FSTL4: variants seen among roughly 807,000 people sequenced by gnomAD.
The protein encoded by FSTL4 is follistatin-related protein 4.
Under a neutral mutation model 78.2 loss-of-function variants are expected in FSTL4, and 28 were observed. That is an observed-to-expected ratio of 0.36 (90% CI 0.27 to 0.49). The LOEUF is 0.49. Among genes scored for constraint, FSTL4 ranks in the 20% least tolerant of loss-of-function variants. FSTL4 has a pLI of 0.98. For synonymous variants in FSTL4, 422 were observed against 440.5 expected, an observed-to-expected ratio of 0.96 and a Z score of 0.53; for missense variants, 922 against 1,084.9, an observed-to-expected ratio of 0.85 and a Z score of 2.11.
intron 6 of FSTL4, among the ~76,000 whole-genome samples, chr5:133,293,222 C>G (rs1295705370): frequency 6.6e-6 from 1 of 152,268 alleles, no homozygotes; most frequent in African/African-American, 2.4e-5. Flanking sequence ...TCTCTCCCAA[C>G]CGCCACCCCA....
the FSTL4 span, among the ~76,000 whole-genome samples, chr5:133,751,925 A>G: frequency 2.0e-5 from 3 of 152,184 alleles, no homozygotes; most frequent in Non-Finnish European, 4.4e-5. Flanking sequence ...GGATCAGACA[A>G]AGGAAGACTC....
chr5:133,649,553 A>G, the FSTL4 span, among the ~76,000 whole-genome samples: 1 of 152,166 alleles, frequency 6.6e-6, no homozygotes, highest in South Asian at 2.1e-4. Context: ...GACCATTCTA[A>G]TAAGTGTGTA....
the FSTL4 span, among the ~76,000 whole-genome samples, chr5:133,787,590 G>A: frequency 7.8e-6 from 1 of 128,946 alleles, no homozygotes; most frequent in South Asian, 2.6e-4. Flanking sequence ...CCCACGCCCT[G>A]CTCCTGAGGC....
At chr5:133,739,733 C>T in the FSTL4 span, among the ~76,000 whole-genome samples, 3 of 152,178 alleles carry the variant, frequency 2.0e-5, no homozygotes, top group African/African-American at 4.8e-5. Flanking sequence ...CTTTAATACA[C>T]GATCTCCTTT....
chr5:133,782,036 G>A, the FSTL4 span, among the ~76,000 whole-genome samples: 1 of 152,132 alleles, frequency 6.6e-6, no homozygotes, highest in Non-Finnish European at 1.5e-5. Flanking sequence ...CCCATCAAAG[G>A]CTGTGGAAAA....
intron 4 of FSTL4, among the ~76,000 whole-genome samples, chr5:133,354,467 G>A (rs1004032923): frequency 7.2e-5 from 11 of 152,232 alleles, no homozygotes; most frequent in African/African-American, 2.7e-4. Context: ...GTTTTGACAT[G>A]CAGAGGACAT....
Position 133,457,103 on chromosome 5 carries a change from G to A in FSTL4, c.161-56117C>T, listed in dbSNP as rs944480346. ...TCTGTAACATTTTTCCTGGAGTGGG[G>A]AGATAGAGAAAGAAAAAAAAAAAGA... On this transcript the variant is annotated intron_variant, in intron 3 of 15. Transcript: ENST00000265342. 3.4e-5 allele frequency among the ~76,000 whole-genome samples: 5 copies of A among 148,192 alleles called. No individual in the cohort carries two copies. In the East Asian group the frequency reaches 9.7e-4, roughly 29 times the overall value.
the FSTL4 span, among the ~76,000 whole-genome samples, chr5:133,673,754 A>T: frequency 6.6e-6 from 1 of 152,192 alleles, no homozygotes; most frequent in East Asian, 1.9e-4. Flanking sequence ...GCCTCCAGGG[A>T]CTCACAATCT....
At chr5:133,454,109 C>A (rs74767362) in intron 3 of FSTL4, among the ~76,000 whole-genome samples, 264 of 152,146 alleles carry the variant, frequency 1.7e-3, no homozygotes, top group Non-Finnish European at 3.2e-3. Context: ...CAGAAAACCA[C>A]CATATTATAG....
At chr5:133,591,208 C>A (rs1760619267) in intron 2 of FSTL4, among the ~76,000 whole-genome samples, 1 of 152,102 alleles carries the variant, frequency 6.6e-6, no homozygotes, top group African/African-American at 2.4e-5. Context: ...ATAAGTTGGG[C>A]TTCTGAGCTG....
the FSTL4 span, among the ~76,000 whole-genome samples, chr5:133,641,159 C>T: frequency 1.3e-5 from 2 of 152,078 alleles, no homozygotes; most frequent in Non-Finnish European, 2.9e-5. Context: ...TGGAGTATTC[C>T]TAAGGGCTCA....
intron 6 of FSTL4, among the ~76,000 whole-genome samples, chr5:133,255,997 T>A (rs2126829527): frequency 6.6e-6 from 1 of 152,368 alleles, no homozygotes; most frequent in East Asian, 1.9e-4. Flanking sequence ...CTTGTCAAGC[T>A]GGTGTTAGTT....
intron 4 of FSTL4, among the ~76,000 whole-genome samples, chr5:133,323,716 C>T (rs1754131469): frequency 6.6e-6 from 1 of 152,228 alleles, no homozygotes; most frequent in South Asian, 2.1e-4. Context: ...TCCTTGCCAG[C>T]ACATGCGTGG....
Position 133,475,986 on chromosome 5 carries a change from G to GT in FSTL4, c.161-75001dup, listed in dbSNP as rs2112853341. On this transcript the variant is annotated intron_variant, in intron 3 of 15. Coordinates refer to ENST00000265342, the MANE Select transcript of FSTL4 (RefSeq NM_015082.2). ...TTATCTTGTGGGGCTCTCTGAGAAG[G>GT]TGGCAGGAGGGTAAGGTGGGTGAGG... Among the ~76,000 whole-genome samples the GT allele has an allele frequency of 2.0e-5, 3 of 152,282 alleles. No individual in the cohort carries two copies. In the East Asian group the frequency reaches 5.8e-4, roughly 29 times the overall value.
At chr5:133,789,813 T>C in the FSTL4 span, among the ~76,000 whole-genome samples, 1 of 152,210 alleles carries the variant, frequency 6.6e-6, no homozygotes, top group Non-Finnish European at 1.5e-5. Context: ...CTGATGTCTC[T>C]TCTTATAAGG....
intron 6 of FSTL4, among the ~76,000 whole-genome samples, chr5:133,297,289 G>A (rs1753419004): frequency 6.6e-6 from 1 of 152,178 alleles, no homozygotes; most frequent in Non-Finnish European, 1.5e-5. Context: ...TGGTTTTCAT[G>A]ATTAAATCAG....
chr5:133,449,470 C>T (rs1757337599), intron 3 of FSTL4, among the ~76,000 whole-genome samples: 1 of 152,194 alleles, frequency 6.6e-6, no homozygotes, highest in South Asian at 2.1e-4. Flanking sequence ...CACGCGCGGG[C>T]CTCTGAAAGG....
At chr5:133,383,745 C>T (rs1022556039) in intron 4 of FSTL4, among the ~76,000 whole-genome samples, 8 of 152,184 alleles carry the variant, frequency 5.3e-5, no homozygotes, top group Non-Finnish European at 7.4e-5. Context: ...GTCACCAAGG[C>T]GGTTGATTAA....
intron 12 of FSTL4, among the ~76,000 whole-genome samples, chr5:133,220,379 A>C (rs970835689): frequency 2.0e-5 from 3 of 152,220 alleles, no homozygotes; most frequent in Admixed American, 2.0e-4. Context: ...CTGCCCACTG[A>C]ATGTTCCATC....
Sources: gnomAD v4.1 joint callset for allele counts (sites outside exome capture counted in the v4.1 genomes callset) on GRCh38, gnomAD v4.1.1 for gene constraint, MANE v1.5 for transcripts, NCBI Gene and HGNC (gene_info 2026-07-23, HGNC 2026-07-21) for gene names.